The following FNTB variants were observed in gnomAD, a reference collection of about 807,000 sequenced individuals.
The protein encoded by FNTB is protein farnesyltransferase subunit beta.
Under a neutral mutation model 59.4 loss-of-function variants are expected in FNTB, and 27 were observed. The ratio of observed to expected loss-of-function variants is 0.45; its 90% CI spans 0.34 to 0.63. FNTB has a LOEUF of 0.63. Ranked by LOEUF, FNTB falls within the 20% of genes least tolerant of loss-of-function variation. FNTB has a pLI of 0.02. For missense variants in FNTB, 449 were observed against 559.6 expected (o/e 0.80, Z 1.99); for synonymous variants, 230 against 220.7 (o/e 1.04, Z -0.37).
rs1368693665 is a variant in FNTB, at chr14:65,009,558, T to TGCA, written c.210-2755_210-2753dup. On this transcript the variant is annotated intron_variant, in intron 2 of 11. Transcript: ENST00000246166. This position sits in a 1 kb window ranked among gnomAD's most constrained non-coding sequence, Gnocchi z 4.2. ...TACCCATCATTTCTCGCTCAAAGAATGCAGCATCCTTCCTTATTCCAGGCT... is the reference window on the plus strand; with the variant it reads ...TACCCATCATTTCTCGCTCAAAGAATGCAGCAGCATCCTTCCTTATTCCAGGCT... Among the ~76,000 whole-genome samples the TGCA allele has an allele frequency of 2.0e-5, 3 of 152,130 alleles. No homozygotes were observed. Among genetic ancestry groups the TGCA allele is most frequent in the Non-Finnish European group, 4.4e-5 (3 of 68,010 alleles).
chr14:64,988,267 C>T (rs542423335), intron 1 of FNTB, among the ~76,000 whole-genome samples: 2 of 152,226 alleles, frequency 1.3e-5, no homozygotes, highest in Admixed American at 6.5e-5. Flanking sequence ...AGCTAATTCT[C>T]CAGGTTGGTT....
In FNTB at chr14:65,028,259, G is replaced by C. The variant is rs2062019767; in HGVS notation, c.605+478G>C. Among the ~76,000 whole-genome samples, 1 of 152,162 alleles carries C rather than the reference G, an allele frequency of 6.6e-6. No homozygotes were observed. Reference sequence around the variant, plus strand: ...GTGCAGAGAGCCTTGTGGGCCGGGAGAGTGCAGTGCAATAAAATCGCATTA... The same window carrying C: ...GTGCAGAGAGCCTTGTGGGCCGGGACAGTGCAGTGCAATAAAATCGCATTA... On this transcript the variant is annotated intron_variant, in intron 6 of 11. Transcript: ENST00000246166. This position sits in a 1 kb window ranked among gnomAD's most constrained non-coding sequence, Gnocchi z 4.4.
rs945383736 is a variant in FNTB at position 65,012,204 on chromosome 14, C to G, written c.210-113C>G. ...TTGCTGGTTATCCAGTCAGTGATTG[C>G]AGGGGGACGTCCTGAAGCTGAGTGT... On this transcript the variant is annotated intron_variant, in intron 2 of 11. Coordinates refer to ENST00000246166, the MANE Select transcript of FNTB (RefSeq NM_002028.4). The surrounding 1 kb of genome is among the most constrained non-coding windows in gnomAD (Gnocchi z 5.0). The G allele has an allele frequency of 1.5e-6, 2 of 1,315,240 alleles. No homozygotes were observed. Among genetic ancestry groups the G allele is most frequent in the African/African-American group, 1.5e-5 (1 of 66,352 alleles). The allele number at this position is 1,315,240 out of a possible 1,614,324, so 81.5% of individuals were successfully genotyped here.
At chr14:65,033,533 A>G (rs563840969) in intron 7 of FNTB, among the ~76,000 whole-genome samples, 5 of 152,320 alleles carry the variant, frequency 3.3e-5, no homozygotes, top group Non-Finnish European at 7.3e-5. Flanking sequence ...TGTTTGCTGT[A>G]CTTTCCTGGA....
Position 65,054,246 on chromosome 14 carries a change from G to A in FNTB, c.1068-329G>A, listed in dbSNP as rs951117600. Among the ~76,000 whole-genome samples the A allele has an allele frequency of 9.2e-5, 14 of 152,118 alleles. No individual in the cohort carries two copies. The highest frequency in any genetic ancestry group is 2.7e-4 in the African/African-American group (11 of 41,504). ...TCCTGCTTCAGCCTCCCAAGTAACTGGAATTACAGGCATCGGCCACCACAC... is the reference window on the plus strand; with the variant it reads ...TCCTGCTTCAGCCTCCCAAGTAACTAGAATTACAGGCATCGGCCACCACAC... On this transcript the variant is annotated intron_variant, in intron 10 of 11. Coordinates refer to ENST00000246166, the MANE Select transcript of FNTB (RefSeq NM_002028.4). This position sits in a 1 kb window ranked among gnomAD's most constrained non-coding sequence, Gnocchi z 4.4.
intron 1 of FNTB, 36 bp downstream of exon 1, chr14:64,987,133 T>C (rs750346128): frequency 6.2e-7 from 1 of 1,612,724 alleles, no homozygotes; most frequent in South Asian, 1.1e-5. Flanking sequence ...GCCCGCGCGA[T>C]GTGTTCTGGG....
At chr14:65,052,253 G>GTGGT (rs2062633305) in intron 9 of FNTB, among the ~76,000 whole-genome samples, 1 of 152,146 alleles carries the variant, frequency 6.6e-6, no homozygotes, top group Non-Finnish European at 1.5e-5. Flanking sequence ...TATGCCTATA[G>GTGGT]TGGTATAAGT....
Position 65,032,786 on chromosome 14 carries a change from G to A in FNTB, c.692+90G>A. On this transcript the variant is annotated intron_variant, in intron 7 of 11. Coordinates refer to ENST00000246166, the MANE Select transcript of FNTB (RefSeq NM_002028.4). The surrounding 1 kb of genome is among the most constrained non-coding windows in gnomAD (Gnocchi z 5.0). The stretch of plus-strand genomic sequence containing the variant: ...AAATAAAGAAAATGCAGAGGGACTT[G>A]GAAGGAAATACAAAAATCACAGGAG... 7.9e-7 allele frequency: 1 copy of A among 1,269,076 alleles called. No homozygotes were observed. Among genetic ancestry groups the A allele is most frequent in the Non-Finnish European group, 1.1e-6 (1 of 931,614 alleles). 78.6% of individuals were successfully genotyped at this position (1,269,076 alleles called of 1,614,324 possible).
At position 65,046,196 on chromosome 14, in the gene FNTB, G is replaced by A. The variant is rs151246522; in HGVS notation, c.955+1753G>A. On this transcript the variant is annotated intron_variant, in intron 9 of 11. Transcript: ENST00000246166. ...TCTCCATGTTGGTCAGGCTGGTCTC[G>A]AACTCCTGACCTCAGGTGATCTGTC... 6.4e-3 allele frequency among the ~76,000 whole-genome samples: 971 copies of A among 152,174 alleles called. 10 individuals are homozygous for A. Among genetic ancestry groups the A allele is most frequent in the African/African-American group, 0.022 (893 of 41,518 alleles).
intron 4 of FNTB, among the ~76,000 whole-genome samples, chr14:65,026,627 C>T (rs1312584937): frequency 2.0e-5 from 3 of 152,110 alleles, no homozygotes; most frequent in Non-Finnish European, 4.4e-5. Context: ...GCAGAGGCTG[C>T]GGCGGGTGGA....
At chr14:64,987,127 GC>G (rs780965060) in intron 1 of FNTB, 30 bp downstream of exon 1, 3 of 1,613,164 alleles carry the variant, frequency 1.9e-6, no homozygotes, top group Non-Finnish European at 2.5e-6. Flanking sequence ...CGAGGCGCCC[GC>G]GCGATGTGTT....
intron 1 of FNTB, among the ~76,000 whole-genome samples, chr14:65,000,845 T>C (rs1456295559): frequency 1.1e-5 from 1 of 87,996 alleles, no homozygotes; most frequent in South Asian, 3.8e-4. Flanking sequence ...AAAAAAAGAA[T>C]AGTTACCCAA....
intron 8 of FNTB, among the ~76,000 whole-genome samples, chr14:65,043,903 C>T (rs551386723): frequency 1.3e-5 from 2 of 149,696 alleles, no homozygotes; most frequent in East Asian, 3.9e-4. Flanking sequence ...TTAATAAACT[C>T]CCCGGAGCAG....
rs1313183849 is a variant in FNTB at position 65,031,986 on chromosome 14, G to GTA, written c.606-623_606-622insAT. Among the ~76,000 whole-genome samples, 426 of 124,722 alleles carry GTA rather than the reference G, an allele frequency of 3.4e-3. 1 individual carries two copies. Among genetic ancestry groups the GTA allele is most frequent in the African/African-American group, 0.011 (411 of 38,862 alleles). 81.8% of individuals were successfully genotyped at this position (124,722 alleles called of 152,430 possible). ...TGCGCCTTTTTCATTTAACGTGTGT[G>GTA]TGTGTGTGTGTGTGTGTGTGTGTGT... On this transcript the variant is annotated intron_variant, in intron 6 of 11. Coordinates refer to ENST00000246166, the MANE Select transcript of FNTB (RefSeq NM_002028.4). The surrounding 1 kb of genome is among the most constrained non-coding windows in gnomAD (Gnocchi z 4.6).
chr14:64,989,743 C>G (rs938847815), intron 1 of FNTB, among the ~76,000 whole-genome samples: 23 of 152,184 alleles, frequency 1.5e-4, no homozygotes, highest in African/African-American at 5.6e-4. Flanking sequence ...AGGCACTGTT[C>G]TAGACACTCG....
At position 65,032,491 on chromosome 14, in the gene FNTB, G is replaced by C; in HGVS notation, c.606-119G>C. On this transcript the variant is annotated intron_variant, in intron 6 of 11. Coordinates refer to ENST00000246166, the MANE Select transcript of FNTB (RefSeq NM_002028.4). This position sits in a 1 kb window ranked among gnomAD's most constrained non-coding sequence, Gnocchi z 5.0. The stretch of plus-strand genomic sequence containing the variant: ...CAGGAGGACTGACCGTGTGCCAAGA[G>C]TGAGGACAGGAGGTGATTACAGCTT... 1 of 1,029,686 alleles carries C rather than the reference G, an allele frequency of 9.7e-7. No homozygotes were observed. Among genetic ancestry groups the C allele is most frequent in the Non-Finnish European group, 1.4e-6 (1 of 728,890 alleles). 63.8% of individuals were successfully genotyped at this position (1,029,686 alleles called of 1,614,324 possible).
chr14:64,987,839 C>T (rs1431431318), intron 1 of FNTB, among the ~76,000 whole-genome samples: 1 of 152,146 alleles, frequency 6.6e-6, no homozygotes, highest in Non-Finnish European at 1.5e-5. Flanking sequence ...TTCATATGCC[C>T]AAAACCATAG....
intron 7 of FNTB, among the ~76,000 whole-genome samples, chr14:65,037,520 G>A (rs1312243816): frequency 1.5e-5 from 2 of 131,592 alleles, no homozygotes; most frequent in Non-Finnish European, 3.1e-5. Flanking sequence ...CTGTTGCCTC[G>A]ACTTTCCAGG....
chr14:65,054,525 G>C lies in FNTB; in HGVS notation c.1068-50G>C, dbSNP rs756615929. 18 of 1,558,680 alleles carry C rather than the reference G, an allele frequency of 1.2e-5. No individual in the cohort carries two copies. The highest frequency in any genetic ancestry group is 1.5e-5 in the Non-Finnish European group (17 of 1,144,250). ...CTGAATTGGTGTGGCTACATTTGTA[G>C]ATGTGTGCGGAGCAGAGGAGCGCCT... is the stretch of plus-strand genomic sequence containing the variant. On this transcript the variant is annotated intron_variant, in intron 10 of 11. Transcript: ENST00000246166. The surrounding 1 kb of genome is among the most constrained non-coding windows in gnomAD (Gnocchi z 4.4).
Sources: gnomAD v4.1 joint callset for allele counts (sites outside exome capture counted in the v4.1 genomes callset) on GRCh38, gnomAD v4.1.1 for gene constraint, Gnocchi (gnomAD v3.1) non-coding constraint, MANE v1.5 for transcripts, NCBI Gene and HGNC (gene_info 2026-07-23, HGNC 2026-07-21) for gene names.